Variants in DCX observed in about 807,000 individuals in gnomAD.
DCX encodes the protein doublecortin.
DCX carries 4 observed loss-of-function variants against 20.9 expected under a neutral mutation model. The observed-to-expected ratio is 0.19, with a 90% CI of 0.09 to 0.44. DCX has a LOEUF of 0.44. Ranked by LOEUF, DCX falls within the 20% of genes least tolerant of loss-of-function variation. The probability of loss-of-function intolerance (pLI) is 0.99; values close to 1 mark genes in which losing one functional copy is unlikely to be tolerated. For synonymous variants in DCX, 103 were observed against 111.4 expected, an observed-to-expected ratio of 0.92 and a Z score of 0.47; for missense variants, 133 against 296.9, an observed-to-expected ratio of 0.45 and a Z score of 4.06.
chrX:111,295,851 G>A lies in DCX; in HGVS notation c.*5836C>T, dbSNP rs1270268516. On this transcript the variant is annotated 3_prime_UTR_variant, in exon 7 of 7. Transcript: ENST00000636035. Reference sequence around the variant, plus strand: ...CTGCTTGTAAAGATCTGCTGAGGGGGATTACGAATGAAAATGGAGAAGAAG... The same window carrying A: ...CTGCTTGTAAAGATCTGCTGAGGGGAATTACGAATGAAAATGGAGAAGAAG... 1.8e-5 allele frequency: 2 copies of A among 111,794 alleles called. No homozygotes were observed. The highest frequency in any genetic ancestry group is 3.3e-5 in the African/African-American group (1 of 30,683). The allele number at this position is 111,794 out of a possible 1,213,427, so 9.2% of individuals were successfully genotyped here. A position where few individuals can be genotyped will look rare whatever the true frequency, so the allele number is the denominator to read the frequency against.
intron 3 of DCX, among the ~76,000 whole-genome samples, chrX:111,381,474 T>C (rs751069037): frequency 9.1e-6 from 1 of 110,490 alleles, no homozygotes; most frequent in African/African-American, 3.3e-5. Context: ...AAGGCTTTCA[T>C]GGGAGGAGGT....
At chrX:111,378,172 A>C (rs1271415169) in intron 3 of DCX, among the ~76,000 whole-genome samples, 2 of 112,067 alleles carry the variant, frequency 1.8e-5, no homozygotes, top group Admixed American at 9.5e-5. Flanking sequence ...TGTATATAAA[A>C]GGTTTAATGT....
intron 3 of DCX, among the ~76,000 whole-genome samples, chrX:111,387,735 C>T (rs1028850596): frequency 9.0e-6 from 1 of 111,564 alleles, no homozygotes; most frequent in Non-Finnish European, 1.9e-5. Flanking sequence ...TCAGATGAGA[C>T]AGCCAATACT....
At chrX:111,362,369 G>T (rs1179331389) in intron 3 of DCX, among the ~76,000 whole-genome samples, 3 of 110,556 alleles carry the variant, frequency 2.7e-5, no homozygotes, top group Non-Finnish European at 5.7e-5. Flanking sequence ...TATATCACTG[G>T]AGCAATTATG....
At chrX:111,393,034 T>C (rs1927064708) in intron 3 of DCX, among the ~76,000 whole-genome samples, 1 of 111,325 alleles carries the variant, frequency 9.0e-6, no homozygotes, top group Non-Finnish European at 1.9e-5. Context: ...GCCTTACTGA[T>C]ACAGCCTTAG....
chrX:111,373,051 C>CAATGAAATGAAATGAAATGAAATGA (rs200014473), intron 3 of DCX, among the ~76,000 whole-genome samples: 98 of 107,788 alleles, frequency 9.1e-4, no homozygotes, highest in African/African-American at 3.2e-3. Flanking sequence ...GCTGATAACA[C>CAATGAAATGAAATGAAATGAAATGA]AATGAAATGA....
At chrX:111,364,984 T>C (rs1924498091) in intron 3 of DCX, among the ~76,000 whole-genome samples, 1 of 110,215 alleles carries the variant, frequency 9.1e-6, no homozygotes, top group African/African-American at 3.3e-5. Context: ...CTTCACCTCC[T>C]GGACTGAAGA....
chrX:111,394,550 C>G (rs182105538), intron 3 of DCX, among the ~76,000 whole-genome samples: 1 of 111,829 alleles, frequency 8.9e-6, no homozygotes, highest in East Asian at 2.8e-4. Flanking sequence ...AATGCTTTTT[C>G]TCCCACTTTG....
chrX:111,401,003 A>C lies in DCX; in HGVS notation c.692T>G (p.Leu231Arg). 8.3e-7 allele frequency: 1 copy of C among 1,210,842 alleles called. No individual in the cohort carries two copies. Among genetic ancestry groups the C allele is most frequent in the Non-Finnish European group, 1.1e-6 (1 of 894,620 alleles). Residue 231 changes from leucine to arginine, a missense_variant, in exon 3 of 7, where the codon CTG becomes CGG. Leu to Arg is a moderately radical substitution (Grantham distance 102). Around this residue, in one of 2 missense-constraint regions of DCX, gnomAD observed 65 missense variants for 212.6 expected, o/e 0.31. Transcript: ENST00000636035. ...ETGVVKKLYT[L>R]DGKQVTCLHD... Reference sequence around the variant, plus strand: ...AAAAGTACCTACCTGTTTTCCATCCAGAGTGTAGAGTTTTTTGACAACCCC... The same window carrying C: ...AAAAGTACCTACCTGTTTTCCATCCCGAGTGTAGAGTTTTTTGACAACCCC...
At chrX:111,361,070 T>TA (rs1736872668) in intron 3 of DCX, among the ~76,000 whole-genome samples, 1 of 111,701 alleles carries the variant, frequency 9.0e-6, no homozygotes, top group East Asian at 2.8e-4. Context: ...ACTGTCTCTA[T>TA]ATATTTCCAA....
In DCX at chrX:111,350,450, T is replaced by C. The variant is rs767200575; in HGVS notation, c.706-17297A>G. The stretch of plus-strand genomic sequence containing the variant: ...TCCTCTGAACCATATAGTTACCATG[T>C]AGGCAAACAGGTAATTTATTTTATG... On this transcript the variant is annotated intron_variant, in intron 3 of 6. Coordinates refer to ENST00000636035, the MANE Select transcript of DCX (RefSeq NM_001195553.2). 2.7e-5 allele frequency among the ~76,000 whole-genome samples: 3 copies of C among 112,321 alleles called. No homozygotes were observed. The South Asian group carries it at 1.1e-3, about 42-fold the overall frequency.
intron 3 of DCX, among the ~76,000 whole-genome samples, chrX:111,368,254 T>C (rs1924784735): frequency 8.9e-6 from 1 of 111,782 alleles, no homozygotes; most frequent in Non-Finnish European, 1.9e-5. Context: ...CTCTGTGGTT[T>C]TAAAGCCTTT....
intron 2 of DCX, among the ~76,000 whole-genome samples, chrX:111,402,110 G>A (rs1223599722): frequency 8.9e-6 from 1 of 111,994 alleles, no homozygotes; most frequent in African/African-American, 3.2e-5. Flanking sequence ...CTCAAAGGAT[G>A]CACATAAGAT....
At chrX:111,354,273 C>T (rs1603418457) in intron 3 of DCX, among the ~76,000 whole-genome samples, 1 of 111,558 alleles carries the variant, frequency 9.0e-6, no homozygotes, top group East Asian at 2.8e-4. Flanking sequence ...TGAAATATAT[C>T]GAAGGCCTTT....
intron 3 of DCX, among the ~76,000 whole-genome samples, chrX:111,362,075 A>T (rs1389959034): frequency 1.8e-5 from 2 of 111,272 alleles, no homozygotes; most frequent in Non-Finnish European, 3.8e-5. Flanking sequence ...CTATCAATGG[A>T]CAGAGGTATA....
intron 3 of DCX, among the ~76,000 whole-genome samples, chrX:111,363,383 T>C (rs1400615746): frequency 1.8e-5 from 2 of 109,809 alleles, no homozygotes; most frequent in East Asian, 2.9e-4. Flanking sequence ...GTGTTTTAAA[T>C]CTGTAGTCCT....
At chrX:111,399,590 G>T (rs1927611174) in intron 3 of DCX, among the ~76,000 whole-genome samples, 1 of 112,010 alleles carries the variant, frequency 8.9e-6, no homozygotes, top group African/African-American at 3.2e-5. Context: ...TTAGGTGGAA[G>T]ATTAAATGTC....
At chrX:111,323,031 G>A (rs1031718519) in intron 5 of DCX, among the ~76,000 whole-genome samples, 3 of 111,679 alleles carry the variant, frequency 2.7e-5, no homozygotes, top group African/African-American at 9.8e-5. Context: ...GCTGATGGAA[G>A]TGCCAGAATT....
intron 3 of DCX, among the ~76,000 whole-genome samples, chrX:111,375,718 C>T (rs1925480907): frequency 8.9e-6 from 1 of 112,100 alleles, no homozygotes; most frequent in Non-Finnish European, 1.9e-5. Flanking sequence ...TTCTCTGCTC[C>T]TCCACTAGAA....
Sources: allele counts gnomAD v4.1 joint callset (sites outside exome capture counted in the v4.1 genomes callset), GRCh38; gene constraint gnomAD v4.1.1; regional missense constraint gnomAD v4.1.1; transcripts MANE v1.5; gene names NCBI Gene and HGNC (gene_info 2026-07-23, HGNC 2026-07-21).